FNBP1: variants seen among roughly 807,000 people sequenced by gnomAD.
FNBP1 encodes the protein formin-binding protein 1.
Under a neutral mutation model 90.6 loss-of-function variants are expected in FNBP1, and 26 were observed. The observed-to-expected ratio is 0.29, with a 90% CI of 0.21 to 0.40. The LOEUF is 0.40. Among genes scored for constraint, FNBP1 ranks in the 10% least tolerant of loss-of-function variants. The pLI is 1.00. For synonymous variants in FNBP1, 260 were observed against 265.2 expected, an observed-to-expected ratio of 0.98 and a Z score of 0.19; for missense variants, 635 against 768.0, an observed-to-expected ratio of 0.83 and a Z score of 2.05.
chr9:130,041,967 T>C lies in FNBP1; in HGVS notation c.24+985A>G, dbSNP rs676492. Among the ~76,000 whole-genome samples the C allele has an allele frequency of 0.012, 1,795 of 152,230 alleles. 24 individuals are homozygous for C. Among genetic ancestry groups the C allele is most frequent in the Middle Eastern group, 0.051 (15 of 294 alleles). ...AGAGTTCATCCTGGGAAATGGCTCA[T>C]CTTGAGGGCATTTCAGTGCAGTAAC... On this transcript the variant is annotated intron_variant, in intron 1 of 16. Coordinates refer to ENST00000446176, the MANE Select transcript of FNBP1 (RefSeq NM_015033.3). This position sits in a 1 kb window ranked among gnomAD's most constrained non-coding sequence, Gnocchi z 4.3.
Position 130,020,969 on chromosome 9 carries a change from G to A in FNBP1, c.24+21983C>T, listed in dbSNP as rs571068048. Among the ~76,000 whole-genome samples, 4 of 152,086 alleles carry A rather than the reference G, an allele frequency of 2.6e-5. No homozygotes were observed. In the East Asian group the frequency reaches 7.7e-4, roughly 29 times the overall value. On this transcript the variant is annotated intron_variant, in intron 1 of 16. Coordinates refer to ENST00000446176, the MANE Select transcript of FNBP1 (RefSeq NM_015033.3). ...ATCCCTATGAAATACTCAGATCCCT[G>A]CCTCTGATTTTTAAAAAAACAAAAC...
intron 10 of FNBP1, chr9:129,916,354 A>C (rs188590068): frequency 1.1e-3 from 196 of 182,320 alleles, no homozygotes; most frequent in African/African-American, 4.5e-3. Context: ...GCAGTGGCTC[A>C]CACCTGTAAT....
At chr9:130,044,473 A>G (rs1317737449), upstream of FNBP1, among the ~76,000 whole-genome samples, 33 of 152,036 alleles carry the variant, frequency 2.2e-4, no homozygotes, top group Non-Finnish European at 2.9e-5. Context: ...AAAGAAAAAA[A>G]AAAAAGTTAG....
intron 1 of FNBP1, among the ~76,000 whole-genome samples, chr9:130,001,146 CGTG>C (rs1382090085): frequency 1.3e-5 from 2 of 151,824 alleles, no homozygotes; most frequent in African/African-American, 2.4e-5. Flanking sequence ...GCCTGGCCAA[CGTG>C]GTGAAACCCC....
chr9:130,014,083 T>C (rs1258253657), intron 1 of FNBP1: 2 of 456,538 alleles, frequency 4.4e-6, no homozygotes, highest in Non-Finnish European at 8.8e-6. Context: ...ACAATGTATT[T>C]TACTGGTATA....
At chr9:129,914,706 T>C (rs1242764012) in intron 11 of FNBP1, among the ~76,000 whole-genome samples, 1 of 146,832 alleles carries the variant, frequency 6.8e-6, no homozygotes, top group African/African-American at 2.5e-5. Context: ...GTTGGGTCCA[T>C]TACCAAATAC....
upstream of FNBP1, among the ~76,000 whole-genome samples, chr9:130,043,734 G>A (rs545347916): frequency 1.3e-5 from 2 of 152,348 alleles, no homozygotes; most frequent in Admixed American, 6.5e-5. Flanking sequence ...GAGTGGCTAG[G>A]GAAAGAATCC....
intron 4 of FNBP1, among the ~76,000 whole-genome samples, chr9:129,977,684 G>A (rs1400380471): frequency 6.6e-6 from 1 of 151,854 alleles, no homozygotes; most frequent in Non-Finnish European, 1.5e-5. Context: ...TAGAGAAGGG[G>A]TTTCACCATG....
rs2034833547 is a variant in FNBP1 at position 129,887,652 on chromosome 9, GA to G, written c.*2886del. 4.6e-6 allele frequency: 1 copy of G among 219,386 alleles called. No homozygotes were observed. Among genetic ancestry groups the G allele is most frequent in the Admixed American group, 5.8e-5 (1 of 17,272 alleles). 13.6% of individuals were successfully genotyped at this position (219,386 alleles called of 1,614,324 possible). On this transcript the variant is annotated 3_prime_UTR_variant, in exon 17 of 17. Coordinates refer to ENST00000446176, the MANE Select transcript of FNBP1 (RefSeq NM_015033.3). ...GGTGAGCAGGATAAAAACCCCCAAG[GA>G]ACAGCCCATGACAACCTTCTGTGCC...
chr9:130,003,750 C>A (rs573259362), intron 1 of FNBP1, among the ~76,000 whole-genome samples: 1 of 151,322 alleles, frequency 6.6e-6, no homozygotes, highest in South Asian at 2.1e-4. Context: ...GGTGAAACCC[C>A]GGCTCTACTA....
chr9:129,948,029 C>T (rs1451648692), intron 6 of FNBP1, among the ~76,000 whole-genome samples: 1 of 151,198 alleles, frequency 6.6e-6, no homozygotes, highest in Non-Finnish European at 1.5e-5. Context: ...TGGCTCACAC[C>T]TATAATCTCA....
In FNBP1 at chr9:129,925,059, T is replaced by G. The variant is rs1316931731; in HGVS notation, c.888A>C (p.Ser296=). The G allele has an allele frequency of 6.2e-6, 10 of 1,613,872 alleles. No homozygotes were observed. Among genetic ancestry groups the G allele is most frequent in the Non-Finnish European group, 8.5e-6 (10 of 1,179,864 alleles). Residue 296 remains serine (S), a synonymous_variant, in exon 9 of 17, where the codon TCA becomes TCC. Transcript: ENST00000446176. The stretch of plus-strand genomic sequence containing the variant: ...CTCTGGAATTTGAAAGGCTGTTATC[T>G]GACACAGTGCGCTTCATTGGCTGAG... ...DYTQPMKRTV[S]DNSLSNSRGE...
At position 129,895,786 on chromosome 9, in the gene FNBP1, C is replaced by T; in HGVS notation, c.1846+52G>A. 3 of 1,479,560 alleles carry T rather than the reference C, an allele frequency of 2.0e-6. No homozygotes were observed. The South Asian group carries it at 4.1e-5, about 20-fold the overall frequency. The allele number at this position is 1,479,560 out of a possible 1,614,324, so 91.7% of individuals were successfully genotyped here. ...GTCATGGTTGTGGGGAGAAACAACT[C>T]CATTTTTTTTAAGTTTTTTTTTTTT... On this transcript the variant is annotated intron_variant, in intron 16 of 16. Coordinates refer to ENST00000446176, the MANE Select transcript of FNBP1 (RefSeq NM_015033.3).
intron 16 of FNBP1, among the ~76,000 whole-genome samples, chr9:129,894,332 A>T (rs1366033988): frequency 1.3e-5 from 2 of 152,184 alleles, no homozygotes; most frequent in East Asian, 3.8e-4. Context: ...ATCAATGCCA[A>T]TTTAAAAATG....
At chr9:129,942,107 T>C (rs112921670) in intron 6 of FNBP1, among the ~76,000 whole-genome samples, 13,227 of 149,716 alleles carry the variant, frequency 0.088, 717 homozygotes, top group African/African-American at 0.16. Flanking sequence ...ACAAATGAAA[T>C]GTTTAGAGAA....
At position 129,957,372 on chromosome 9, in the gene FNBP1, C is replaced by T. The variant is rs143988541; in HGVS notation, c.501G>A (p.Ala167=). Residue 167 remains alanine (A), a synonymous_variant, in exon 6 of 17, where the codon GCG becomes GCA. Coordinates refer to ENST00000446176, the MANE Select transcript of FNBP1 (RefSeq NM_015033.3). This position sits in a 1 kb window ranked among gnomAD's most constrained non-coding sequence, Gnocchi z 4.3. ...GCTTTCACCTCACCTTTTCAACATC[C>T]GCTTTTGTGACATTGATGTCAGCGT... is the stretch of plus-strand genomic sequence containing the variant. ...KMDADINVTK[A]DVEKARQQAQ... 9.5e-5 allele frequency: 153 copies of T among 1,611,978 alleles called. 1 individual carries two copies. Among genetic ancestry groups the T allele is most frequent in the Middle Eastern group, 8.3e-4 (5 of 6,054 alleles).
chr9:130,011,249 T>A (rs1282239612), intron 1 of FNBP1, among the ~76,000 whole-genome samples: 780 of 51,312 alleles, frequency 0.015, 9 homozygotes, highest in East Asian at 0.027. Flanking sequence ...AAAAAATATA[T>A]ATATATATAT....
chr9:130,049,896 T>C, the FNBP1 span, among the ~76,000 whole-genome samples: 2 of 152,138 alleles, frequency 1.3e-5, no homozygotes, highest in Admixed American at 6.6e-5. Flanking sequence ...TTTTTGTTTT[T>C]AGAGAGGTCT....
chr9:130,047,368 A>G (rs985201029), upstream of FNBP1, among the ~76,000 whole-genome samples: 3 of 152,214 alleles, frequency 2.0e-5, no homozygotes, highest in Admixed American at 2.0e-4. Flanking sequence ...TAATCCCAGC[A>G]CTTTGGGAGG....
Sources: gnomAD v4.1 joint callset for allele counts (sites outside exome capture counted in the v4.1 genomes callset) on GRCh38, gnomAD v4.1.1 for gene constraint, Gnocchi (gnomAD v3.1) non-coding constraint, MANE v1.5 for transcripts, NCBI Gene and HGNC (gene_info 2026-07-23, HGNC 2026-07-21) for gene names.